The following MAD1L1 variants were observed in gnomAD, a reference collection of about 807,000 sequenced individuals.
MAD1L1 encodes mitotic arrest deficient 1 like 1, also known as mitotic spindle assembly checkpoint protein MAD1.
Under a neutral mutation model 96.9 loss-of-function variants are expected in MAD1L1, and 95 were observed. That is an observed-to-expected ratio of 0.98 (90% CI 0.83 to 1.16). The LOEUF (loss-of-function observed/expected upper bound fraction) is 1.16. Among genes scored for constraint, MAD1L1 ranks in the 50% most tolerant of loss-of-function variants. The probability of loss-of-function intolerance (pLI) is 0.00; values close to 1 mark genes in which losing one functional copy is unlikely to be tolerated. For missense variants in MAD1L1, 1,007 were observed against 954.4 expected (o/e 1.06, Z -0.73); for synonymous variants, 473 against 396.6 (o/e 1.19, Z -2.29).
chr7:2,074,463 G>C (rs1362333423), intron 11 of MAD1L1, among the ~76,000 whole-genome samples: 1 of 152,256 alleles, frequency 6.6e-6, no homozygotes, highest in Non-Finnish European at 1.5e-5. Context: ...GGGAGGCCAT[G>C]CTGGTGTCTG....
At chr7:1,910,580 T>C (rs184605030) in intron 17 of MAD1L1, among the ~76,000 whole-genome samples, 1 of 152,264 alleles carries the variant, frequency 6.6e-6, no homozygotes, top group African/African-American at 2.4e-5. Context: ...CAGAAAAGCC[T>C]CCCTGGGCCA....
At chr7:2,171,740 T>C (rs1053083391) in intron 10 of MAD1L1, among the ~76,000 whole-genome samples, 11 of 151,584 alleles carry the variant, frequency 7.3e-5, no homozygotes, top group Non-Finnish European at 1.6e-4. Flanking sequence ...GGGACACATA[T>C]GGGTCACCTC....
At chr7:1,908,487 T>A (rs1396647639) in intron 17 of MAD1L1, among the ~76,000 whole-genome samples, 1 of 152,064 alleles carries the variant, frequency 6.6e-6, no homozygotes, top group Non-Finnish European at 1.5e-5. Context: ...GCTCAAGCAA[T>A]CCTCCCACCT....
chr7:2,172,897 C>T (rs901306605), intron 10 of MAD1L1, among the ~76,000 whole-genome samples: 3 of 152,234 alleles, frequency 2.0e-5, no homozygotes, highest in African/African-American at 7.2e-5. Flanking sequence ...GTGCACACCG[C>T]GGTCTGTGCG....
intron 11 of MAD1L1, among the ~76,000 whole-genome samples, chr7:2,110,580 G>A (rs17132189): frequency 0.05 from 7,585 of 152,222 alleles, 625 homozygotes; most frequent in African/African-American, 0.17. Flanking sequence ...TCAGACGTGC[G>A]GCAGATGAAG....
intron 12 of MAD1L1, among the ~76,000 whole-genome samples, chr7:2,014,999 C>T (rs890839115): frequency 2.6e-5 from 4 of 152,214 alleles, no homozygotes; most frequent in East Asian, 3.9e-4. Flanking sequence ...AAGGCGAGGG[C>T]GCACAGTGGG....
chr7:1,895,471 C>T (rs965369875), intron 18 of MAD1L1, among the ~76,000 whole-genome samples: 6 of 152,346 alleles, frequency 3.9e-5, no homozygotes, highest in Admixed American at 6.5e-5. Flanking sequence ...CTCTCAGCCC[C>T]GCCTGCAAAC....
chr7:2,015,460 G>A (rs371436625), intron 12 of MAD1L1, among the ~76,000 whole-genome samples: 32 of 152,336 alleles, frequency 2.1e-4, no homozygotes, highest in African/African-American at 7.7e-4. Context: ...CCAGTCAGGG[G>A]CCCCGGGAGC....
At chr7:1,890,701 C>T (rs1396166872) in intron 18 of MAD1L1, among the ~76,000 whole-genome samples, 4 of 152,182 alleles carry the variant, frequency 2.6e-5, no homozygotes, top group South Asian at 4.1e-4. Context: ...GAGGGAGCCC[C>T]GAAACCAAGG....
At chr7:2,159,735 A>G (rs1000757331) in intron 10 of MAD1L1, among the ~76,000 whole-genome samples, 46 of 152,260 alleles carry the variant, frequency 3.0e-4, no homozygotes, top group African/African-American at 1.1e-3. Context: ...AAAGTTCGGT[A>G]TAACAGGTTA....
chr7:1,973,493 G>A (rs553886813), intron 15 of MAD1L1, among the ~76,000 whole-genome samples: 4 of 152,248 alleles, frequency 2.6e-5, no homozygotes, highest in African/African-American at 7.2e-5. Flanking sequence ...GGGTGGATGC[G>A]AGCTGGGCCC....
rs1239215200 is a variant in MAD1L1, at chr7:2,096,588, C to CT, written c.1074-27251dup. Among the ~76,000 whole-genome samples, 3 of 152,256 alleles carry CT rather than the reference C, an allele frequency of 2.0e-5. No individual in the cohort carries two copies. The East Asian group carries it at 5.8e-4, about 29-fold the overall frequency. On this transcript the variant is annotated intron_variant, in intron 11 of 18. Coordinates refer to ENST00000265854, the MANE Select transcript of MAD1L1 (RefSeq NM_001013836.2). ...ACTGAAACAGCTCTCCAAGGGGCATCTGAATTGAAGACTTCGAGGACAGCT... is the reference window on the plus strand; with the variant it reads ...ACTGAAACAGCTCTCCAAGGGGCATCTTGAATTGAAGACTTCGAGGACAGCT...
intron 18 of MAD1L1, among the ~76,000 whole-genome samples, chr7:1,867,873 T>C (rs1784853813): frequency 1.3e-5 from 2 of 152,328 alleles, no homozygotes; most frequent in South Asian, 4.1e-4. Context: ...TGGCGATGCA[T>C]CGGAGGCAGT....
intron 13 of MAD1L1, among the ~76,000 whole-genome samples, chr7:2,003,995 C>T (rs1001717661): frequency 3.3e-5 from 5 of 152,212 alleles, no homozygotes; most frequent in Admixed American, 6.5e-5. Context: ...CGCACTTCAC[C>T]GAGCTGCAGC....
At chr7:2,102,293 T>C (rs6949389) in intron 11 of MAD1L1, among the ~76,000 whole-genome samples, 47,159 of 141,974 alleles carry the variant, frequency 0.33, 7,928 homozygotes, top group South Asian at 0.45. Context: ...CCACCGCCAC[T>C]GTCACCATCA....
chr7:2,144,252 G>A (rs1319508001), intron 11 of MAD1L1, among the ~76,000 whole-genome samples: 1 of 152,220 alleles, frequency 6.6e-6, no homozygotes, highest in Non-Finnish European at 1.5e-5. Flanking sequence ...GAGAGGCTGC[G>A]CATGAAGCAC....
chr7:1,959,167 G>A (rs766090584), intron 15 of MAD1L1, among the ~76,000 whole-genome samples: 6 of 152,104 alleles, frequency 3.9e-5, no homozygotes, highest in Non-Finnish European at 8.8e-5. Context: ...CATAAGAATC[G>A]CTTGAACCCA....
At chr7:2,155,767 G>A (rs998010595) in intron 10 of MAD1L1, among the ~76,000 whole-genome samples, 1 of 152,174 alleles carries the variant, frequency 6.6e-6, no homozygotes, top group East Asian at 1.9e-4. Flanking sequence ...AGGAACATGG[G>A]TGTGCCAATG....
chr7:2,098,894 G>A (rs1382350169), intron 11 of MAD1L1, among the ~76,000 whole-genome samples: 2 of 152,246 alleles, frequency 1.3e-5, no homozygotes, highest in African/African-American at 4.8e-5. Flanking sequence ...GGTCAGAAAA[G>A]ACGCTACTCG....
Sources: allele counts gnomAD v4.1 joint callset (sites outside exome capture counted in the v4.1 genomes callset), GRCh38; gene constraint gnomAD v4.1.1; transcripts MANE v1.5; gene names NCBI Gene and HGNC (gene_info 2026-07-23, HGNC 2026-07-21).